ADGRB3: variants seen among roughly 807,000 people sequenced by gnomAD.
ADGRB3 encodes adhesion G protein-coupled receptor B3, also known as brain-specific angiogenesis inhibitor 3.
ADGRB3 carries 37 observed loss-of-function variants against 193.4 expected under a neutral mutation model. The observed-to-expected ratio is 0.19, with a 90% CI of 0.15 to 0.25. ADGRB3 has a LOEUF of 0.25. Among genes scored for constraint, ADGRB3 ranks in the 10% least tolerant of loss-of-function variants. The probability of loss-of-function intolerance (pLI) is 1.00; values close to 1 mark genes in which losing one functional copy is unlikely to be tolerated. For missense variants in ADGRB3, 1,637 were observed against 1,852.9 expected, an observed-to-expected ratio of 0.88 and a Z score of 2.14; for synonymous variants, 690 against 644.2, an observed-to-expected ratio of 1.07 and a Z score of -1.08.
At chr6:68,901,092 G>T (rs1476451920) in intron 3 of ADGRB3, among the ~76,000 whole-genome samples, 1 of 152,036 alleles carries the variant, frequency 6.6e-6, no homozygotes, top group Non-Finnish European at 1.5e-5. Context: ...CTCAAATTTA[G>T]CAGTAAATAA....
chr6:69,162,493 C>T (rs965232731), intron 17 of ADGRB3, among the ~76,000 whole-genome samples: 19 of 152,162 alleles, frequency 1.2e-4, no homozygotes, highest in South Asian at 4.1e-4. Context: ...TTTTAGACTT[C>T]GCCACTAACT....
intron 25 of ADGRB3, 99 bp from the exon 26 acceptor site, chr6:69,339,234 C>G: frequency 1.4e-6 from 2 of 1,423,432 alleles, no homozygotes; most frequent in East Asian, 4.6e-5. Flanking sequence ...AGTTAATGGT[C>G]TTGGAACCAC....
At chr6:69,032,139 T>G (rs946455801) in intron 13 of ADGRB3, among the ~76,000 whole-genome samples, 2 of 152,156 alleles carry the variant, frequency 1.3e-5, no homozygotes, top group Non-Finnish European at 2.9e-5. Context: ...AGGTGGCAAG[T>G]GGCTTTCTAT....
chr6:69,318,577 G>A (rs1047121332), intron 20 of ADGRB3, among the ~76,000 whole-genome samples: 6 of 151,348 alleles, frequency 4.0e-5, no homozygotes, highest in African/African-American at 1.5e-4. Flanking sequence ...TTTAAAAAAT[G>A]AGTTGGATAC....
Position 68,932,998 on chromosome 6 carries a change from A to G in ADGRB3, c.868+2329A>G, listed in dbSNP as rs1345753419. On this transcript the variant is annotated intron_variant, in intron 4 of 31. Coordinates refer to ENST00000370598, the MANE Select transcript of ADGRB3 (RefSeq NM_001704.3). ...TGAGTGTGACTTTTTTAAAAAGAGTAACATTTGATAAAGTAGCATAGTTTG... is the reference window on the plus strand; with the variant it reads ...TGAGTGTGACTTTTTTAAAAAGAGTGACATTTGATAAAGTAGCATAGTTTG... Among the ~76,000 whole-genome samples the G allele has an allele frequency of 2.0e-5, 3 of 150,686 alleles. No homozygotes were observed. The Admixed American group carries it at 2.0e-4, about 10-fold the overall frequency.
intron 20 of ADGRB3, among the ~76,000 whole-genome samples, chr6:69,309,067 G>T (rs1260559820): frequency 6.6e-6 from 1 of 151,578 alleles, no homozygotes; most frequent in Non-Finnish European, 1.5e-5. Flanking sequence ...AACAGTGATT[G>T]GTGAACTCCC....
chr6:68,722,554 T>C (rs1582148074), intron 3 of ADGRB3, among the ~76,000 whole-genome samples: 2 of 151,680 alleles, frequency 1.3e-5, no homozygotes, highest in East Asian at 3.9e-4. Flanking sequence ...AAGATGAAGT[T>C]ATATACCACC....
At chr6:68,665,587 T>C (rs542453085) in intron 3 of ADGRB3, among the ~76,000 whole-genome samples, 1 of 151,838 alleles carries the variant, frequency 6.6e-6, no homozygotes, top group Non-Finnish European at 1.5e-5. Flanking sequence ...GCAAAGTGTT[T>C]AGACAAGTAC....
chr6:68,678,865 TAAC>T (rs1240305859), intron 3 of ADGRB3, among the ~76,000 whole-genome samples: 1 of 152,142 alleles, frequency 6.6e-6, no homozygotes, highest in African/African-American at 2.4e-5. Context: ...ATAGTAGTAA[TAAC>T]AATATCAGAG....
chr6:68,653,842 T>A (rs1216987015), intron 3 of ADGRB3, among the ~76,000 whole-genome samples: 1 of 151,946 alleles, frequency 6.6e-6, no homozygotes, highest in Non-Finnish European at 1.5e-5. Flanking sequence ...CCTATCTTCC[T>A]TCCTTTTCTT....
chr6:68,676,563 G>A (rs545902407), intron 3 of ADGRB3, among the ~76,000 whole-genome samples: 2 of 152,094 alleles, frequency 1.3e-5, no homozygotes, highest in Non-Finnish European at 2.9e-5. Flanking sequence ...CCAGAGAACT[G>A]CTGTTTAAGC....
At chr6:68,764,939 A>G (rs1383511044) in intron 3 of ADGRB3, among the ~76,000 whole-genome samples, 1 of 152,190 alleles carries the variant, frequency 6.6e-6, no homozygotes, top group Non-Finnish European at 1.5e-5. Context: ...TATCTTAGGA[A>G]ATGTTACTCT....
intron 6 of ADGRB3, among the ~76,000 whole-genome samples, chr6:68,947,792 T>C (rs1323529972): frequency 8.5e-5 from 13 of 152,106 alleles, no homozygotes; most frequent in Admixed American, 8.5e-4. Context: ...TGCTGTAAAG[T>C]AGAGAACCTG....
intron 3 of ADGRB3, among the ~76,000 whole-genome samples, chr6:68,770,817 A>G (rs1766603130): frequency 6.6e-6 from 1 of 152,128 alleles, no homozygotes; most frequent in Admixed American, 6.6e-5. Flanking sequence ...CTTCATGAGG[A>G]GAATTGAGTC....
At chr6:69,042,411 A>C (rs1771099132) in intron 13 of ADGRB3, among the ~76,000 whole-genome samples, 1 of 152,164 alleles carries the variant, frequency 6.6e-6, no homozygotes, top group Admixed American at 6.5e-5. Flanking sequence ...AGATTACCAG[A>C]CTCATACAAG....
intron 17 of ADGRB3, among the ~76,000 whole-genome samples, chr6:69,206,905 T>C (rs1225679683): frequency 6.6e-6 from 1 of 152,194 alleles, no homozygotes; most frequent in South Asian, 2.1e-4. Flanking sequence ...TCTGGGTCAT[T>C]TGTAGTCCTG....
intron 3 of ADGRB3, among the ~76,000 whole-genome samples, chr6:68,869,453 G>A (rs1180035116): frequency 6.6e-6 from 1 of 152,000 alleles, no homozygotes; most frequent in African/African-American, 2.4e-5. Context: ...TAAATTTTCT[G>A]GACAGAAAAA....
chr6:69,144,644 T>A (rs2150338924), intron 17 of ADGRB3, among the ~76,000 whole-genome samples: 1 of 152,368 alleles, frequency 6.6e-6, no homozygotes, highest in East Asian at 1.9e-4. Context: ...TCAGATGATT[T>A]TCCAGCATCA....
chr6:68,953,794 G>A (rs551013343), intron 6 of ADGRB3, among the ~76,000 whole-genome samples: 12 of 152,186 alleles, frequency 7.9e-5, no homozygotes, highest in Admixed American at 7.2e-4. Context: ...TGTAAGGCTT[G>A]AAGTTAGATT....
Sources: allele counts gnomAD v4.1 joint callset (sites outside exome capture counted in the v4.1 genomes callset), GRCh38; gene constraint gnomAD v4.1.1; transcripts MANE v1.5; gene names NCBI Gene and HGNC (gene_info 2026-07-23, HGNC 2026-07-21).